Variants in PRPF4 observed in about 807,000 individuals in gnomAD.
The protein encoded by PRPF4 is pre-mRNA splicing tri-snRNP complex factor PRPF4, also known as U4/U6 small nuclear ribonucleoprotein Prp4.
In PRPF4, 14 loss-of-function variants were observed where a neutral mutation model predicts 72.2. The ratio of observed to expected loss-of-function variants is 0.19; its 90% CI spans 0.13 to 0.30. The LOEUF is 0.30. Among genes scored for constraint, PRPF4 ranks in the 10% least tolerant of loss-of-function variants. The pLI, the probability that PRPF4 is intolerant of heterozygous loss-of-function variation, is 1.00. For synonymous variants in PRPF4, 225 were observed against 232.2 expected, an observed-to-expected ratio of 0.97 and a Z score of 0.28; for missense variants, 478 against 653.9, an observed-to-expected ratio of 0.73 and a Z score of 2.93.
Position 113,282,721 on chromosome 9 carries a change from G to C in PRPF4, c.468G>C (p.Lys156Asn). 6.2e-7 allele frequency: 1 copy of C among 1,603,918 alleles called. No individual in the cohort carries two copies. The highest frequency in any genetic ancestry group is 8.5e-7 in the Non-Finnish European group (1 of 1,171,880). ...KTKKDDEKSK[K>N]SKEEYQQTWY... ...AAAAGGATGATGAGAAGTCTAAAAAGTCCAAAGAAGAGGTAGAACATGTCT... is the reference window on the plus strand; with the variant it reads ...AAAAGGATGATGAGAAGTCTAAAAACTCCAAAGAAGAGGTAGAACATGTCT... The change falls in exon 4 of 14, where the codon AAG becomes AAC. Residue 156 changes from lysine to asparagine, a missense_variant. Physicochemically the swap from Lys to Asn is moderately conservative, Grantham distance 94. Coordinates refer to ENST00000374198, the MANE Select transcript of PRPF4 (RefSeq NM_001244926.2).
At position 113,290,733 on chromosome 9, in the gene PRPF4, A is replaced by C. The variant is rs1832584896; in HGVS notation, c.1179A>C (p.Leu393=). Residue 393 remains leucine (L), a synonymous_variant, in exon 12 of 14, where the codon CTA becomes CTC. Coordinates refer to ENST00000374198, the MANE Select transcript of PRPF4 (RefSeq NM_001244926.2). ...ATGCATTTGGTCGAGTTTGGGACCT[A>C]CGCACAGGACGTTGTATCATGTTCT... ...GLDAFGRVWD[L]RTGRCIMFLE... 1 of 1,614,100 alleles carries C rather than the reference A, an allele frequency of 6.2e-7. No individual in the cohort carries two copies. The highest frequency in any genetic ancestry group is 8.5e-7 in the Non-Finnish European group (1 of 1,180,052).
chr9:113,290,243 C>T (rs570268800), intron 10 of PRPF4, among the ~76,000 whole-genome samples: 3 of 151,668 alleles, frequency 2.0e-5, no homozygotes, highest in African/African-American at 7.2e-5. Context: ...AAAAAAAGCC[C>T]TAGAGGTTTA....
chr9:113,292,741 A>G lies in PRPF4; in HGVS notation c.*1081A>G, dbSNP rs1274180441. ...TTTCTCTTGGCTGTTTAAAGGATGT[A>G]CTTCGTGTATTAAAGGGTACTTTAT... is the stretch of plus-strand genomic sequence containing the variant. On this transcript the variant is annotated 3_prime_UTR_variant, in exon 14 of 14. Transcript: ENST00000374198. 1 of 152,234 alleles carries G rather than the reference A, an allele frequency of 6.6e-6. No homozygotes were observed. The highest frequency in any genetic ancestry group is 1.5e-5 in the Non-Finnish European group (1 of 68,042). The allele number at this position is 152,234 out of a possible 1,614,324, so 9.4% of individuals were successfully genotyped here. A position where few individuals can be genotyped will look rare whatever the true frequency, so the allele number is the denominator to read the frequency against.
rs1383868558 is a variant in PRPF4, at chr9:113,284,378, C to A, written c.738C>A (p.Ala246=). Residue 246 remains alanine, a synonymous_variant, in exon 7 of 14, where the codon GCC becomes GCA. Coordinates refer to ENST00000374198, the MANE Select transcript of PRPF4 (RefSeq NM_001244926.2). ...CHFSPNSKML[A]TACWSGLCKL... is the part of the protein sequence containing the mutation. ...TTAGTCCCAATTCCAAGATGCTGGC[C>A]ACAGCTTGTTGGTAAGTTCCATTTT... 6 of 1,609,938 alleles carry A rather than the reference C, an allele frequency of 3.7e-6. No individual in the cohort carries two copies. The highest frequency in any genetic ancestry group is 5.1e-6 in the Non-Finnish European group (6 of 1,176,262).
chr9:113,291,092 T>G, intron 13 of PRPF4, 76 bp downstream of exon 13: 2 of 1,426,284 alleles, frequency 1.4e-6, no homozygotes, highest in South Asian at 1.2e-5. Flanking sequence ...CAGGCCAGGC[T>G]TTAGCTTAAC....
chr9:113,289,487 C>T (rs1459644210), intron 10 of PRPF4, among the ~76,000 whole-genome samples: 1 of 152,208 alleles, frequency 6.6e-6, no homozygotes, highest in Non-Finnish European at 1.5e-5. Flanking sequence ...TTGGTGTTGT[C>T]AGTCTTACCA....
At chr9:113,290,069 A>G (rs1832563895) in intron 10 of PRPF4, among the ~76,000 whole-genome samples, 1 of 152,080 alleles carries the variant, frequency 6.6e-6, no homozygotes, top group African/African-American at 2.4e-5. Context: ...AAAATACAAA[A>G]ATTAGCTGGG....
At chr9:113,281,108 C>T (rs538675923) in intron 3 of PRPF4, among the ~76,000 whole-genome samples, 9 of 152,314 alleles carry the variant, frequency 5.9e-5, no homozygotes, top group Non-Finnish European at 1.2e-4. Context: ...ATCCGCCTGC[C>T]TGGGCCTCCC....
chr9:113,289,469 G>T (rs1427092037), intron 10 of PRPF4, among the ~76,000 whole-genome samples: 1 of 152,140 alleles, frequency 6.6e-6, no homozygotes, highest in African/African-American at 2.4e-5. Context: ...TCACATCCCT[G>T]TTAACATTTG....
Position 113,291,476 on chromosome 9 carries a change from G to C in PRPF4, c.1382G>C (p.Gly461Ala), listed in dbSNP as rs748217761. 1 of 1,612,812 alleles carries C rather than the reference G, an allele frequency of 6.2e-7. No homozygotes were observed. The highest frequency in any genetic ancestry group is 2.2e-5 in the East Asian group (1 of 44,872). ...TTCTCTTCTCCTGTAGCTATCCATG[G>C]GAACTTCTTGCTTACTGGTGCCTAT... is the stretch of plus-strand genomic sequence containing the variant. ...VTGVKFEPIH[G>A]NFLLTGAYDN... Residue 461 changes from glycine to alanine, a missense_variant, in exon 14 of 14, where the codon GGG becomes GCG. Transcript: ENST00000374198.
chr9:113,289,735 G>C (rs1361029547), intron 10 of PRPF4, among the ~76,000 whole-genome samples: 1 of 152,134 alleles, frequency 6.6e-6, no homozygotes, highest in Admixed American at 6.5e-5. Flanking sequence ...GACCATATAT[G>C]TGTGGTTATT....
intron 10 of PRPF4, among the ~76,000 whole-genome samples, chr9:113,289,559 C>G (rs1832548467): frequency 6.6e-6 from 1 of 152,200 alleles, no homozygotes; most frequent in Admixed American, 6.5e-5. Flanking sequence ...TTACCCTGAT[C>G]ATTATTGCTC....
At chr9:113,282,553 A>G in intron 3 of PRPF4, 93 bp from the exon 4 acceptor site, 3 of 968,814 alleles carry the variant, frequency 3.1e-6, no homozygotes, top group Non-Finnish European at 4.6e-6. Flanking sequence ...GGGAACTTTA[A>G]TAACAGTGTT....
Position 113,290,848 on chromosome 9 carries a change from G to A in PRPF4, c.1253+41G>A, listed in dbSNP as rs751091413. ...TGAATGAGGGGCGAAAAAGGGTTCT[G>A]GGTCAGTAAGTACTCTATTTCTAAC... On this transcript the variant is annotated intron_variant, in intron 12 of 13. Coordinates refer to ENST00000374198, the MANE Select transcript of PRPF4 (RefSeq NM_001244926.2). The A allele has an allele frequency of 4.3e-6, 7 of 1,611,728 alleles. No individual in the cohort carries two copies. The East Asian group carries it at 8.9e-5, about 21-fold the overall frequency.
rs1832648109 is a variant in PRPF4 at position 113,292,791 on chromosome 9, T to A, written c.*1131T>A. 6.6e-6 allele frequency: 1 copy of A among 152,208 alleles called. No homozygotes were observed. The highest frequency in any genetic ancestry group is 1.5e-5 in the Non-Finnish European group (1 of 68,046). The allele number at this position is 152,208 out of a possible 1,614,324, so 9.4% of individuals were successfully genotyped here. A position where few individuals can be genotyped will look rare whatever the true frequency, so the allele number is the denominator to read the frequency against. On this transcript the variant is annotated 3_prime_UTR_variant, in exon 14 of 14. Transcript: ENST00000374198. ...TGTTGAAGTAACGAAAAAACCCTAATGGGTGTTCCTAAACCTAAACCTTTT... is the reference window on the plus strand; with the variant it reads ...TGTTGAAGTAACGAAAAAACCCTAAAGGGTGTTCCTAAACCTAAACCTTTT...
Position 113,284,365 on chromosome 9 carries a change from C to G in PRPF4, c.725C>G (p.Ser242Cys), listed in dbSNP as rs781701455. 6 of 1,612,410 alleles carry G rather than the reference C, an allele frequency of 3.7e-6. No homozygotes were observed. In the African/African-American group the frequency reaches 8.0e-5, roughly 22 times the overall value. Residue 242 changes from serine (S) to cysteine (C), a missense_variant, in exon 7 of 14, where the codon TCC (serine) becomes TGC (cysteine). Ser to Cys is a moderately radical substitution (Grantham distance 112). Transcript: ENST00000374198. ...TCCTACTGTCACTTTAGTCCCAATTCCAAGATGCTGGCCACAGCTTGTTGG... is the reference window on the plus strand; with the variant it reads ...TCCTACTGTCACTTTAGTCCCAATTGCAAGATGCTGGCCACAGCTTGTTGG... ...PISYCHFSPN[S>C]KMLATACWSG... is the part of the protein sequence containing the mutation.
At chr9:113,289,380 T>C (rs1045961694) in intron 10 of PRPF4, among the ~76,000 whole-genome samples, 1 of 152,192 alleles carries the variant, frequency 6.6e-6, no homozygotes, top group Non-Finnish European at 1.5e-5. Flanking sequence ...GTATGAGATG[T>C]ATATTTAACT....
Position 113,291,851 on chromosome 9 carries a change from CCT to C in PRPF4, c.*195_*196del. 1 of 570,382 alleles carries C rather than the reference CCT, an allele frequency of 1.8e-6. No individual in the cohort carries two copies. Among genetic ancestry groups the C allele is most frequent in the South Asian group, 2.3e-5 (1 of 43,074 alleles). 35.3% of individuals were successfully genotyped at this position (570,382 alleles called of 1,614,324 possible). On this transcript the variant is annotated 3_prime_UTR_variant, in exon 14 of 14. Coordinates refer to ENST00000374198, the MANE Select transcript of PRPF4 (RefSeq NM_001244926.2). ...CCCAATCCCTAGGTGATGGGGAACC[CCT>C]CTCACGGTTGAAAATTTATTACCTT...
At chr9:113,288,581 C>T (rs553920289) in intron 10 of PRPF4, among the ~76,000 whole-genome samples, 19 of 152,032 alleles carry the variant, frequency 1.2e-4, no homozygotes, top group Non-Finnish European at 2.4e-4. Context: ...GGACTACAGG[C>T]GCGTGCCACC....
Sources: allele counts gnomAD v4.1 joint callset (sites outside exome capture counted in the v4.1 genomes callset), GRCh38; gene constraint gnomAD v4.1.1; transcripts MANE v1.5; gene names NCBI Gene and HGNC (gene_info 2026-07-23, HGNC 2026-07-21).